The following KCNT2 variants were observed in gnomAD, a reference collection of about 807,000 sequenced individuals.
The protein encoded by KCNT2 is potassium channel subfamily T member 2.
Under a neutral mutation model 153.8 loss-of-function variants are expected in KCNT2, and 67 were observed. The observed-to-expected ratio is 0.44, with a 90% CI of 0.36 to 0.53. The LOEUF is 0.53. Among genes scored for constraint, KCNT2 ranks in the 20% least tolerant of loss-of-function variants. The probability of loss-of-function intolerance (pLI) is 0.00; values close to 1 mark genes in which losing one functional copy is unlikely to be tolerated. For synonymous variants in KCNT2, 500 were observed against 458.8 expected (o/e 1.09, Z -1.15); for missense variants, 975 against 1,354.8 (o/e 0.72, Z 4.40).
At chr1:196,360,210 A>G (rs976246813) in intron 14 of KCNT2, among the ~76,000 whole-genome samples, 7 of 151,870 alleles carry the variant, frequency 4.6e-5, no homozygotes, top group Non-Finnish European at 7.4e-5. Context: ...CTTTTTTATT[A>G]TTTACTATTA....
intron 8 of KCNT2, among the ~76,000 whole-genome samples, chr1:196,440,540 T>G (rs1451818920): frequency 6.6e-6 from 1 of 152,022 alleles, no homozygotes; most frequent in Non-Finnish European, 1.5e-5. Flanking sequence ...ACCTTGAGAA[T>G]GTGAGCCTAT....
intron 12 of KCNT2, among the ~76,000 whole-genome samples, chr1:196,416,017 G>A (rs1402101155): frequency 6.6e-6 from 1 of 151,916 alleles, no homozygotes; most frequent in Non-Finnish European, 1.5e-5. Context: ...CAATTTATAA[G>A]TTTTAAGTTA....
intron 18 of KCNT2, among the ~76,000 whole-genome samples, chr1:196,329,700 G>A (rs955769259): frequency 6.7e-6 from 1 of 149,966 alleles, no homozygotes; most frequent in Non-Finnish European, 1.5e-5. Flanking sequence ...ATTTATTAAT[G>A]TTACTGAAAA....
chr1:196,422,996 A>G, intron 12 of KCNT2, 54 bp downstream of exon 12: 3 of 1,212,638 alleles, frequency 2.5e-6, no homozygotes, highest in Middle Eastern at 2.0e-4. Context: ...CAAATTAAAA[A>G]AAATCTTCTA....
chr1:196,308,043 T>C (rs1298882156), intron 21 of KCNT2, among the ~76,000 whole-genome samples: 3 of 151,882 alleles, frequency 2.0e-5, no homozygotes, highest in Non-Finnish European at 4.4e-5. Context: ...AGGACAAAAA[T>C]GAATCAATGA....
intron 12 of KCNT2, among the ~76,000 whole-genome samples, chr1:196,405,677 G>T (rs750459563): frequency 6.6e-6 from 1 of 151,356 alleles, no homozygotes; most frequent in Non-Finnish European, 1.5e-5. Flanking sequence ...TTGATCAAAG[G>T]CATCACTTTC....
intron 14 of KCNT2, among the ~76,000 whole-genome samples, chr1:196,358,527 A>T (rs1239377435): frequency 6.6e-6 from 1 of 151,922 alleles, no homozygotes; most frequent in African/African-American, 2.4e-5. Flanking sequence ...ACCACCCTTT[A>T]TAATACTTCA....
At chr1:196,473,057 C>T (rs751856150) in intron 5 of KCNT2, among the ~76,000 whole-genome samples, 16 of 152,146 alleles carry the variant, frequency 1.1e-4, no homozygotes, top group Admixed American at 3.9e-4. Flanking sequence ...CTTCCATGGA[C>T]GGAATATATA....
At chr1:196,365,965 G>A (rs1668001015) in intron 14 of KCNT2, among the ~76,000 whole-genome samples, 1 of 152,094 alleles carries the variant, frequency 6.6e-6, no homozygotes. Flanking sequence ...ACTTCATCCA[G>A]TTTCAAGGCT....
intron 14 of KCNT2, among the ~76,000 whole-genome samples, chr1:196,364,228 G>GGA (rs1667859438): frequency 6.6e-6 from 1 of 152,152 alleles, no homozygotes; most frequent in African/African-American, 2.4e-5. Flanking sequence ...GCGTATGTGT[G>GGA]AACTCTACTG....
intron 26 of KCNT2, among the ~76,000 whole-genome samples, chr1:196,241,179 G>T (rs1654922786): frequency 6.6e-6 from 1 of 151,352 alleles, no homozygotes; most frequent in Admixed American, 6.6e-5. Flanking sequence ...ATATGAGAAA[G>T]AGGGTTTTGT....
At position 196,561,373 on chromosome 1, in the gene KCNT2, G is replaced by A. The variant is rs547080018; in HGVS notation, c.95+46842C>T. ...TAATAAAGGGTTCAGGTGAGAAATG[G>A]TAGGAATTTAGAATAGGGTGGGAGT... On this transcript the variant is annotated intron_variant, in intron 1 of 27. Transcript: ENST00000294725. Among the ~76,000 whole-genome samples the A allele has an allele frequency of 2.0e-5, 3 of 151,630 alleles. No homozygotes were observed. In the East Asian group the frequency reaches 5.9e-4, roughly 30 times the overall value.
rs186128433 is a variant in KCNT2 at position 196,396,833 on chromosome 1, G to A, written c.1294+1730C>T. On this transcript the variant is annotated intron_variant, in intron 13 of 27. Coordinates refer to ENST00000294725, the MANE Select transcript of KCNT2 (RefSeq NM_198503.5). ...GAAAATAGATTAATACAAATAGTCC[G>A]TATTTTTTTTTAGCAGTAGACTTTT... is the stretch of plus-strand genomic sequence containing the variant. 1.2e-3 allele frequency among the ~76,000 whole-genome samples: 182 copies of A among 151,096 alleles called. 1 individual carries two copies. Among genetic ancestry groups the A allele is most frequent in the African/African-American group, 4.2e-3 (175 of 41,318 alleles).
chr1:196,477,633 G>T (rs1201049046), intron 5 of KCNT2, among the ~76,000 whole-genome samples: 1 of 152,048 alleles, frequency 6.6e-6, no homozygotes, highest in Non-Finnish European at 1.5e-5. Flanking sequence ...TGCTAGATAT[G>T]AGTTCCCCAA....
At chr1:196,524,524 TAAATAC>T (rs1201566061) in intron 1 of KCNT2, among the ~76,000 whole-genome samples, 2 of 152,186 alleles carry the variant, frequency 1.3e-5, no homozygotes, top group Non-Finnish European at 2.9e-5. Context: ...CATATTTCAC[TAAATAC>T]AATGAGTGAG....
At chr1:196,336,177 T>C (rs1665013228) in intron 16 of KCNT2, among the ~76,000 whole-genome samples, 1 of 152,114 alleles carries the variant, frequency 6.6e-6, no homozygotes, top group African/African-American at 2.4e-5. Flanking sequence ...ACATAGATGA[T>C]CCTTCCAACA....
Position 196,484,053 on chromosome 1 carries a change from A to C in KCNT2, c.276-1674T>G, listed in dbSNP as rs138836830. Among the ~76,000 whole-genome samples, 578 of 152,266 alleles carry C rather than the reference A, an allele frequency of 3.8e-3. 2 individuals are homozygous for C. Among genetic ancestry groups the C allele is most frequent in the African/African-American group, 0.013 (557 of 41,576 alleles). ...AGAGGGATAGATGCCCAGTTTTGTA[A>C]GTGGAAAACTATGTGCCACAAAAGT... On this transcript the variant is annotated intron_variant, in intron 3 of 27. Coordinates refer to ENST00000294725, the MANE Select transcript of KCNT2 (RefSeq NM_198503.5).
In KCNT2 at chr1:196,567,318, T is replaced by C. The variant is rs111918021; in HGVS notation, c.95+40897A>G. On this transcript the variant is annotated intron_variant, in intron 1 of 27. Coordinates refer to ENST00000294725, the MANE Select transcript of KCNT2 (RefSeq NM_198503.5). ...ACTATGCTTTCTTCTCAGTGTAACC[T>C]CATCAAAATCTCCTTATCTGTCAAG... Among the ~76,000 whole-genome samples the C allele has an allele frequency of 8.0e-3, 1,220 of 152,256 alleles. 17 individuals are homozygous for C. The highest frequency in any genetic ancestry group is 0.026 in the African/African-American group (1,088 of 41,566).
intron 25 of KCNT2, among the ~76,000 whole-genome samples, chr1:196,264,327 A>G (rs1657312825): frequency 6.6e-6 from 1 of 152,190 alleles, no homozygotes; most frequent in Admixed American, 6.5e-5. Flanking sequence ...TTATACTAGA[A>G]TTCTGGTGAT....
Sources: allele counts gnomAD v4.1 joint callset (sites outside exome capture counted in the v4.1 genomes callset), GRCh38; gene constraint gnomAD v4.1.1; transcripts MANE v1.5; gene names NCBI Gene and HGNC (gene_info 2026-07-23, HGNC 2026-07-21).